AKAP13: variants seen among roughly 807,000 people sequenced by gnomAD.
The protein encoded by AKAP13 is A-kinase anchor protein 13.
In AKAP13, 80 loss-of-function variants were observed where a neutral mutation model predicts 264.5. The observed-to-expected ratio is 0.30, with a 90% CI of 0.25 to 0.36. The LOEUF is 0.36. Ranked by LOEUF, AKAP13 falls within the 10% of genes least tolerant of loss-of-function variation. AKAP13 has a pLI of 1.00. For synonymous variants in AKAP13, 1,380 were observed against 1,250.2 expected, an observed-to-expected ratio of 1.10 and a Z score of -2.19; for missense variants, 3,712 against 3,435.2, an observed-to-expected ratio of 1.08 and a Z score of -2.01.
At chr15:85,586,227 G>A (rs1160757623) in intron 8 of AKAP13, among the ~76,000 whole-genome samples, 1 of 135,648 alleles carries the variant, frequency 7.4e-6, no homozygotes, top group East Asian at 2.1e-4. Context: ...TTTTGCTCTT[G>A]TCACCCAGGC....
chr15:85,673,732 C>A (rs1230922812), intron 14 of AKAP13, among the ~76,000 whole-genome samples: 2 of 114,346 alleles, frequency 1.7e-5, no homozygotes, highest in Non-Finnish European at 1.6e-5. Context: ...GTTGCCCAGG[C>A]TGGAGTGCAG....
chr15:85,735,439 T>A, intron 31 of AKAP13, 121 bp from the exon 32 acceptor site: 8 of 1,053,920 alleles, frequency 7.6e-6, no homozygotes, highest in Non-Finnish European at 1.1e-5. Context: ...CAGCTCCCCC[T>A]TTTTGGGGGC....
intron 16 of AKAP13, among the ~76,000 whole-genome samples, chr15:85,692,765 C>T (rs1438688361): frequency 6.6e-6 from 1 of 152,168 alleles, no homozygotes; most frequent in Non-Finnish European, 1.5e-5. Context: ...TATACATACT[C>T]CGTCACTTAG....
intron 10 of AKAP13, among the ~76,000 whole-genome samples, chr15:85,650,244 A>G (rs975302190): frequency 6.6e-6 from 1 of 152,190 alleles, no homozygotes; most frequent in Non-Finnish European, 1.5e-5. Flanking sequence ...AGCCTGGGCA[A>G]CATAGTGAGA....
intron 2 of AKAP13, among the ~76,000 whole-genome samples, chr15:85,495,517 A>G (rs1289030129): frequency 1.3e-5 from 2 of 152,210 alleles, no homozygotes; most frequent in African/African-American, 2.4e-5. Context: ...TTTATGGTCT[A>G]TTGAACACAT....
chr15:85,569,740 C>G (rs1398382481), intron 5 of AKAP13, among the ~76,000 whole-genome samples: 2 of 151,932 alleles, frequency 1.3e-5, no homozygotes, highest in Non-Finnish European at 1.5e-5. Flanking sequence ...CCAGCCAGAT[C>G]AACATTTTTA....
Position 85,664,655 on chromosome 15 carries a change from G to A in AKAP13, c.4892G>A (p.Arg1631Lys). The A allele has an allele frequency of 6.2e-7, 1 of 1,614,140 alleles. No homozygotes were observed. The highest frequency in any genetic ancestry group is 2.2e-5 in the East Asian group (1 of 44,884). ...EVSSANAEEL[R>K]HPFSGEERVD... ...AGCTCTGCAAATGCCGAAGAGCTCA[G>A]ACACCCATTCAGTGGTGAGGAACGG... Residue 1631 changes from arginine to lysine, a missense_variant, in exon 13 of 37, where the codon AGA (arginine) becomes AAA (lysine). By Grantham distance (26) the Arg-to-Lys change is conservative. Transcript: ENST00000394518.
chr15:85,726,382 C>T, intron 26 of AKAP13, 28 bp from the exon 27 acceptor site: 7 of 1,590,192 alleles, frequency 4.4e-6, no homozygotes, highest in Non-Finnish European at 6.0e-6. Flanking sequence ...ATCGTTTTAT[C>T]TTCCCTTCTC....
chr15:85,625,808 C>T (rs2081383773), intron 8 of AKAP13, among the ~76,000 whole-genome samples: 1 of 151,954 alleles, frequency 6.6e-6, no homozygotes, highest in South Asian at 2.1e-4. Context: ...CATAGTGTGG[C>T]GTTTAAGTTG....
chr15:85,466,375 A>G (rs377693226), intron 1 of AKAP13, among the ~76,000 whole-genome samples: 1,804 of 152,084 alleles, frequency 0.012, 38 homozygotes, highest in African/African-American at 0.041. Context: ...CCATTTGTCA[A>G]TTTTGGCTTT....
At chr15:85,514,206 A>T (rs11635004) in intron 2 of AKAP13, among the ~76,000 whole-genome samples, 42,103 of 135,766 alleles carry the variant, frequency 0.31, 12,434 homozygotes, top group Middle Eastern at 0.54. Context: ...TCCCCTCTTT[A>T]AGCAGTCAGC....
rs143730646 is a variant in AKAP13, at chr15:85,627,158, C to G, written c.4162-12216C>G. Among the ~76,000 whole-genome samples the G allele has an allele frequency of 6.7e-3, 1,022 of 152,204 alleles. 13 individuals carry two copies. The highest frequency in any genetic ancestry group is 0.023 in the African/African-American group (959 of 41,518). ...CCTTTGCTCTCCTGCTTGCTCTTTTCGTCTGTTATCTCAAGAACAAATGAA... is the reference window on the plus strand; with the variant it reads ...CCTTTGCTCTCCTGCTTGCTCTTTTGGTCTGTTATCTCAAGAACAAATGAA... On this transcript the variant is annotated intron_variant, in intron 8 of 36. Coordinates refer to ENST00000394518, the MANE Select transcript of AKAP13 (RefSeq NM_007200.5).
At chr15:85,420,035 G>A (rs1187215240) in intron 1 of AKAP13, among the ~76,000 whole-genome samples, 3 of 134,838 alleles carry the variant, frequency 2.2e-5, no homozygotes, top group Admixed American at 1.8e-4. Context: ...TCCGCCTCCC[G>A]GGTTCACACC....
intron 8 of AKAP13, among the ~76,000 whole-genome samples, chr15:85,599,949 T>C (rs993833166): frequency 5.9e-5 from 9 of 152,156 alleles, no homozygotes; most frequent in African/African-American, 2.2e-4. Context: ...ACCCTATTGG[T>C]TAGATAATAC....
intron 29 of AKAP13, among the ~76,000 whole-genome samples, chr15:85,729,517 G>A (rs1309338994): frequency 6.6e-6 from 1 of 152,176 alleles, no homozygotes; most frequent in Admixed American, 6.5e-5. Flanking sequence ...GTGGCCACGT[G>A]GGCGCCATGG....
Position 85,630,796 on chromosome 15 carries a change from G to C in AKAP13, c.4162-8578G>C, listed in dbSNP as rs561104684. Reference sequence around the variant, plus strand: ...TACAATAAGAAAGATAACAAAAATAGGTGTTGACAAGAATGTAGAAAAATT... The same window carrying C: ...TACAATAAGAAAGATAACAAAAATACGTGTTGACAAGAATGTAGAAAAATT... On this transcript the variant is annotated intron_variant, in intron 8 of 36. Transcript: ENST00000394518. Among the ~76,000 whole-genome samples, 11 of 152,172 alleles carry C rather than the reference G, an allele frequency of 7.2e-5. No homozygotes were observed. In the South Asian group the frequency reaches 2.3e-3, roughly 32 times the overall value.
At chr15:85,421,870 A>G (rs1022599764) in intron 1 of AKAP13, among the ~76,000 whole-genome samples, 5 of 152,234 alleles carry the variant, frequency 3.3e-5, no homozygotes, top group African/African-American at 4.8e-5. Context: ...CATGTTGCAT[A>G]AGGAACATTT....
chr15:85,426,914 A>G (rs1596131427), intron 1 of AKAP13, among the ~76,000 whole-genome samples: 1 of 150,564 alleles, frequency 6.6e-6, no homozygotes, highest in Middle Eastern at 3.5e-3. Context: ...ATGTGTCTGA[A>G]GTACTGTTTC....
intron 9 of AKAP13, among the ~76,000 whole-genome samples, 182 bp from the exon 10 acceptor site, chr15:85,645,636 T>A (rs1209773552): frequency 6.6e-6 from 1 of 152,174 alleles, no homozygotes; most frequent in Non-Finnish European, 1.5e-5. Flanking sequence ...GCTACTAATT[T>A]GACTGTGTCC....
Sources: allele counts gnomAD v4.1 joint callset (sites outside exome capture counted in the v4.1 genomes callset), GRCh38; gene constraint gnomAD v4.1.1; transcripts MANE v1.5; gene names NCBI Gene and HGNC (gene_info 2026-07-23, HGNC 2026-07-21).